GTF2IRD1: variants seen among roughly 807,000 people sequenced by gnomAD.
The protein encoded by GTF2IRD1 is general transcription factor II-I repeat domain-containing protein 1.
A neutral mutation model predicts 113.2 loss-of-function variants in GTF2IRD1; 26 were observed. The ratio of observed to expected loss-of-function variants is 0.23; its 90% CI spans 0.17 to 0.32. The LOEUF (loss-of-function observed/expected upper bound fraction) is 0.32. Ranked by LOEUF, GTF2IRD1 falls within the 10% of genes least tolerant of loss-of-function variation. The pLI, the probability that GTF2IRD1 is intolerant of heterozygous loss-of-function variation, is 1.00. For missense variants in GTF2IRD1, 864 were observed against 1,280.8 expected, an observed-to-expected ratio of 0.67 and a Z score of 4.97; for synonymous variants, 484 against 529.1, an observed-to-expected ratio of 0.91 and a Z score of 1.17.
chr7:74,519,972 C>T (rs1797173659), intron 6 of GTF2IRD1, among the ~76,000 whole-genome samples: 1 of 151,606 alleles, frequency 6.6e-6, no homozygotes, highest in Non-Finnish European at 1.5e-5. Flanking sequence ...CTCCCTGGGT[C>T]CCAGCTACTC....
At chr7:74,572,050 C>T (rs1310578701) in intron 22 of GTF2IRD1, among the ~76,000 whole-genome samples, 3 of 152,170 alleles carry the variant, frequency 2.0e-5, no homozygotes, top group Non-Finnish European at 4.4e-5. Context: ...TACAGTAGCA[C>T]CACTTGTCAT....
chr7:74,501,103 G>T (rs1554339342), intron 1 of GTF2IRD1, among the ~76,000 whole-genome samples: 1 of 152,162 alleles, frequency 6.6e-6, no homozygotes, highest in Admixed American at 6.5e-5. Context: ...GGTCCTGGGT[G>T]CAGGACAAGC....
At chr7:74,522,155 A>G (rs898150874) in intron 7 of GTF2IRD1, among the ~76,000 whole-genome samples, 3 of 151,996 alleles carry the variant, frequency 2.0e-5, no homozygotes, top group Non-Finnish European at 4.4e-5. Flanking sequence ...TTGCTGTCAT[A>G]TTCTATCTGT....
At chr7:74,516,793 C>T (rs1796954812) in intron 4 of GTF2IRD1, among the ~76,000 whole-genome samples, 3 of 152,026 alleles carry the variant, frequency 2.0e-5, no homozygotes, top group Admixed American at 2.0e-4. Flanking sequence ...TGCCCTGGCC[C>T]CCCTTGTCCA....
intron 1 of GTF2IRD1, among the ~76,000 whole-genome samples, chr7:74,454,862 G>A (rs1562759208): frequency 6.6e-6 from 1 of 152,172 alleles, no homozygotes; most frequent in Non-Finnish European, 1.5e-5. Flanking sequence ...CTGCAGATGG[G>A]TGGAGAGGAC....
At chr7:74,491,791 G>A (rs138301030) in intron 1 of GTF2IRD1, among the ~76,000 whole-genome samples, 3 of 152,192 alleles carry the variant, frequency 2.0e-5, no homozygotes, top group East Asian at 3.9e-4. Flanking sequence ...GTAAACATAC[G>A]TGTGCATGTG....
chr7:74,506,387 A>G (rs905944704), intron 1 of GTF2IRD1: 2 of 152,222 alleles, frequency 1.3e-5, no homozygotes, highest in African/African-American at 4.8e-5. Flanking sequence ...CCATGGCGGC[A>G]GAAGACACCC....
Position 74,503,570 on chromosome 7 carries a change from GAAACCCCGTCTCTACT to G in GTF2IRD1, c.-6-4501_-6-4486del, listed in dbSNP as rs538461572. Among the ~76,000 whole-genome samples, 195 of 152,286 alleles carry G rather than the reference GAAACCCCGTCTCTACT, an allele frequency of 1.3e-3. 2 individuals carry two copies. Among genetic ancestry groups the G allele is most frequent in the East Asian group, 3.7e-3 (19 of 5,176 alleles). Reference sequence around the variant, plus strand: ...TCGAGACCAGTCTGGCCAACATGGGGAAACCCCGTCTCTACTAAAAATACAAACATTAGCCAGGCGT... The same window carrying G: ...TCGAGACCAGTCTGGCCAACATGGGGAAAAATACAAACATTAGCCAGGCGT... On this transcript the variant is annotated intron_variant, in intron 1 of 26. Transcript: ENST00000424337.
chr7:74,459,258 G>T (rs1324989158), intron 1 of GTF2IRD1, among the ~76,000 whole-genome samples: 2 of 152,112 alleles, frequency 1.3e-5, no homozygotes, highest in Non-Finnish European at 2.9e-5. Context: ...TCAGGAGTTT[G>T]ACTAGCCTGG....
rs781859342 is a variant in GTF2IRD1, at chr7:74,529,117, G to A, written c.1091-617G>A. The stretch of plus-strand genomic sequence containing the variant: ...TGAACCGAGTGTATGCTCCTGGCCT[G>A]TAGGGGAAGCACCAAGGGGGCGGCA... On this transcript the variant is annotated intron_variant, in intron 8 of 26. Transcript: ENST00000424337. Among the ~76,000 whole-genome samples the A allele has an allele frequency of 7.2e-5, 11 of 152,204 alleles. No homozygotes were observed. In the South Asian group the frequency reaches 2.3e-3, roughly 32 times the overall value.
intron 22 of GTF2IRD1, among the ~76,000 whole-genome samples, chr7:74,582,102 C>T (rs782420447): frequency 6.6e-6 from 1 of 152,194 alleles, no homozygotes; most frequent in Non-Finnish European, 1.5e-5. Flanking sequence ...GGTGCGTGGG[C>T]GAGCTGTCTC....
rs1043005690 is a variant in GTF2IRD1, at chr7:74,494,534, C to G, written c.-6-13541C>G. Among the ~76,000 whole-genome samples, 9 of 152,162 alleles carry G rather than the reference C, an allele frequency of 5.9e-5. 1 individual carries two copies. The South Asian group carries it at 1.9e-3, about 32-fold the overall frequency. On this transcript the variant is annotated intron_variant, in intron 1 of 26. Coordinates refer to ENST00000424337, the MANE Select transcript of GTF2IRD1 (RefSeq NM_005685.4). ...CACGTGTTGGCGCTGCCCACACATT[C>G]TGTTGGTTCAAAGTGGGTCTTTATT...
intron 22 of GTF2IRD1, among the ~76,000 whole-genome samples, chr7:74,564,381 C>T (rs1186909679): frequency 7.2e-5 from 11 of 152,190 alleles, no homozygotes; most frequent in Non-Finnish European, 1.2e-4. Context: ...AGCCCCACTG[C>T]ACCCTAGAGC....
chr7:74,507,945 G>A, intron 1 of GTF2IRD1, 130 bp from the exon 2 acceptor site: 1 of 996,254 alleles, frequency 1.0e-6, no homozygotes, highest in Non-Finnish European at 1.4e-6. Context: ...CTTGGGCCCA[G>A]GGAAGGTCAG....
chr7:74,489,461 G>T (rs1388040217), intron 1 of GTF2IRD1, among the ~76,000 whole-genome samples: 1 of 152,068 alleles, frequency 6.6e-6, no homozygotes, highest in Non-Finnish European at 1.5e-5. Flanking sequence ...TCCTGCCTCA[G>T]CCTCCCAAGT....
intron 22 of GTF2IRD1, among the ~76,000 whole-genome samples, chr7:74,580,094 A>G (rs1801322455): frequency 6.6e-6 from 1 of 152,130 alleles, no homozygotes; most frequent in Admixed American, 6.6e-5. Context: ...AGCTGATGGA[A>G]TTCCTGCTAA....
chr7:74,538,628 C>T, intron 12 of GTF2IRD1, 52 bp from the exon 13 acceptor site: 1 of 1,007,398 alleles, frequency 9.9e-7, no homozygotes, highest in South Asian at 1.3e-5. Context: ...AGTCACTCTG[C>T]CCAGTCGGGA....
At chr7:74,553,526 C>T (rs1402590313) in intron 17 of GTF2IRD1, among the ~76,000 whole-genome samples, 3 of 151,934 alleles carry the variant, frequency 2.0e-5, no homozygotes, top group Non-Finnish European at 4.4e-5. Flanking sequence ...GGGCTCAAAG[C>T]GATGCCCCTG....
intron 1 of GTF2IRD1, among the ~76,000 whole-genome samples, chr7:74,455,019 A>AG (rs1453110781): frequency 1.3e-5 from 2 of 152,060 alleles, no homozygotes; most frequent in Non-Finnish European, 2.9e-5. Flanking sequence ...GGCCCAGGGA[A>AG]GGGGGCCGCT....
Sources: gnomAD v4.1 joint callset for allele counts (sites outside exome capture counted in the v4.1 genomes callset) on GRCh38, gnomAD v4.1.1 for gene constraint, MANE v1.5 for transcripts, NCBI Gene and HGNC (gene_info 2026-07-23, HGNC 2026-07-21) for gene names.